The following TERF2 variants were observed in gnomAD, a reference collection of about 807,000 sequenced individuals.
The protein encoded by TERF2 is telomeric repeat binding factor 2.
In TERF2, 16 loss-of-function variants were observed where a neutral mutation model predicts 56.1. That is an observed-to-expected ratio of 0.29 (90% confidence interval 0.19 to 0.43). TERF2 has a LOEUF of 0.43. Ranked by LOEUF, TERF2 falls within the 20% of genes least tolerant of loss-of-function variation. The probability of loss-of-function intolerance (pLI) is 1.00; values close to 1 mark genes in which losing one functional copy is unlikely to be tolerated. For missense variants in TERF2, 547 were observed against 712.9 expected, an observed-to-expected ratio of 0.77 and a Z score of 2.65; for synonymous variants, 296 against 282.1, an observed-to-expected ratio of 1.05 and a Z score of -0.50.
intron 5 of TERF2, 31 bp from the exon 6 acceptor site, chr16:69,368,513 G>C (rs747161249): frequency 6.2e-7 from 1 of 1,612,712 alleles, no homozygotes; most frequent in Non-Finnish European, 8.5e-7. Context: ...TCAGGAAGAA[G>C]AGGCCACAGA....
rs748937721 is a variant in TERF2, at chr16:69,384,711, C to G, written c.476-1G>C. ...TCAGCCTCCATATCAAAGGAACAGT[C>G]TAGGACAAAGCACAGTTTTCATTTT... On this transcript the variant is annotated splice_acceptor_variant, in intron 2 of 9. Coordinates refer to ENST00000254942, the MANE Select transcript of TERF2 (RefSeq NM_005652.5). LOFTEE classifies it high-confidence loss of function. The G allele has an allele frequency of 1.3e-6, 2 of 1,598,140 alleles. No homozygotes were observed. The highest frequency in any genetic ancestry group is 1.7e-6 in the Non-Finnish European group (2 of 1,173,980).
intron 3 of TERF2, among the ~76,000 whole-genome samples, chr16:69,376,767 G>A (rs2013800233): frequency 6.7e-6 from 1 of 150,230 alleles, no homozygotes; most frequent in African/African-American, 2.5e-5. Flanking sequence ...GGGTAAAGTG[G>A]GAAGAGCACC....
intron 7 of TERF2, among the ~76,000 whole-genome samples, chr16:69,362,744 A>G (rs1442822190): frequency 6.6e-6 from 1 of 152,236 alleles, no homozygotes; most frequent in Non-Finnish European, 1.5e-5. Context: ...CTGGGAACAG[A>G]GCAAAGCACA....
intron 3 of TERF2, among the ~76,000 whole-genome samples, chr16:69,379,196 C>T (rs1172616432): frequency 6.6e-6 from 1 of 152,192 alleles, no homozygotes; most frequent in African/African-American, 2.4e-5. Context: ...GAAGACCAAA[C>T]TCACAGAACT....
chr16:69,362,335 AG>A (rs1405062297), intron 7 of TERF2, among the ~76,000 whole-genome samples: 1 of 151,992 alleles, frequency 6.6e-6, no homozygotes, highest in Non-Finnish European at 1.5e-5. Flanking sequence ...ACACACAGAA[AG>A]CCTTTCTCCT....
rs982962134 is a variant in TERF2 at position 69,385,872 on chromosome 16, C to T, written c.100G>A (p.Gly34Arg). 17 of 1,372,522 alleles carry T rather than the reference C, an allele frequency of 1.2e-5. No individual in the cohort carries two copies. The highest frequency in any genetic ancestry group is 1.6e-5 in the Non-Finnish European group (17 of 1,060,862). The allele number at this position is 1,372,522 out of a possible 1,614,324, so 85.0% of individuals were successfully genotyped here. A position where few individuals can be genotyped will look rare whatever the true frequency, so the allele number is the denominator to read the frequency against. Residue 34 changes from glycine (G) to arginine (R), a missense_variant, in exon 1 of 10, where the codon GGG (glycine) becomes AGG (arginine). Around this residue, in one of 6 missense-constraint regions of TERF2, gnomAD observed 85 missense variants for 59.5 expected, o/e 1.43. Transcript: ENST00000254942. The stretch of plus-strand genomic sequence containing the variant: ...GTGTCCGATCGCCGCGCGCCCTCCC[C>T]GCCCTCCCGGCCGGGCCGCTTCCTC... ...QPRKRPGREG[G>R]EGARRSDTMA...
chr16:69,379,518 T>A (rs1266746629), intron 3 of TERF2, among the ~76,000 whole-genome samples: 1 of 152,204 alleles, frequency 6.6e-6, no homozygotes, highest in Non-Finnish European at 1.5e-5. Context: ...AGAAAACAAA[T>A]ATAGTCTTGA....
intron 5 of TERF2, among the ~76,000 whole-genome samples, chr16:69,369,901 C>T (rs894573510): frequency 7.9e-5 from 12 of 152,206 alleles, no homozygotes; most frequent in African/African-American, 2.9e-4. Context: ...TTGGGAACCA[C>T]CATCGATTGC....
rs766750572 is a variant in TERF2 at position 69,366,800 on chromosome 16, T to C, written c.1340+7A>G. 1 of 1,599,192 alleles carries C rather than the reference T, an allele frequency of 6.3e-7. No homozygotes were observed. ...CCCCAAAATTTCTACAAAGAAGGTCTTCATACTTGGGATTCTTCTCTCCAG... is the reference window on the plus strand; with the variant it reads ...CCCCAAAATTTCTACAAAGAAGGTCCTCATACTTGGGATTCTTCTCTCCAG... On this transcript the variant is annotated splice_region_variant and intron_variant, in intron 7 of 9. Transcript: ENST00000254942.
At position 69,384,618 on chromosome 16, in the gene TERF2, C is replaced by T; in HGVS notation, c.568G>A (p.Ala190Thr). 1 of 1,614,130 alleles carries T rather than the reference C, an allele frequency of 6.2e-7. No homozygotes were observed. Among genetic ancestry groups the T allele is most frequent in the Non-Finnish European group, 8.5e-7 (1 of 1,180,014 alleles). The stretch of plus-strand genomic sequence containing the variant: ...AGTTTTCTACTGGATTCGACCACTG[C>T]TTCTGTCAGTGTAAATTCCGTTTTA... ...MIKTEFTLTE[A>T]VVESSRKLVK... is the part of the protein sequence containing the mutation. The change falls in exon 3 of 10, where the codon GCA becomes ACA. Residue 190 changes from alanine to threonine, a missense_variant. Physicochemically the swap from Ala to Thr is moderately conservative, Grantham distance 58. Coordinates refer to ENST00000254942, the MANE Select transcript of TERF2 (RefSeq NM_005652.5).
chr16:69,369,227 G>A (rs187645850), intron 5 of TERF2, among the ~76,000 whole-genome samples: 110 of 142,902 alleles, frequency 7.7e-4, no homozygotes, highest in African/African-American at 2.7e-3. Flanking sequence ...CAAACTACCT[G>A]CTTATAAATA....
In TERF2 at chr16:69,366,978, G is replaced by A. The variant is rs766401597; in HGVS notation, c.1169C>T (p.Ser390Leu). 8.1e-6 allele frequency: 13 copies of A among 1,614,080 alleles called. No homozygotes were observed. The highest frequency in any genetic ancestry group is 2.2e-5 in the East Asian group (1 of 44,900). The change falls in exon 7 of 10, where the codon TCG becomes TTG. Residue 390 changes from serine to leucine, a missense_variant. Ser to Leu is a moderately radical substitution (Grantham distance 145). Transcript: ENST00000254942. ...SSAPADGEGG[S>L]ELQPKNKRMT... is the part of the protein sequence containing the mutation. ...GCGCTTGTTCTTGGGCTGCAGTTCC[G>A]AGCCACCCTCACCGTCAGCCGGGGC...
At chr16:69,382,007 T>C (rs1312157418) in intron 3 of TERF2, among the ~76,000 whole-genome samples, 1 of 152,224 alleles carries the variant, frequency 6.6e-6, no homozygotes, top group African/African-American at 2.4e-5. Flanking sequence ...ACTAGTACAA[T>C]TACTACCATC....
intron 3 of TERF2, among the ~76,000 whole-genome samples, chr16:69,373,066 T>C (rs2013636943): frequency 6.6e-6 from 1 of 152,084 alleles, no homozygotes; most frequent in African/African-American, 2.4e-5. Flanking sequence ...GAGGATATAC[T>C]GTAGGCGGAA....
In TERF2 at chr16:69,368,391, G is replaced by A. The variant is rs761441853; in HGVS notation, c.932C>T (p.Pro311Leu). The stretch of plus-strand genomic sequence containing the variant: ...ATCTTTTTACCTTGCGGGTTCTCTG[G>A]GTGGCTTTTCCACAGGCCCTGGTGC... ...QPAPGPVEKP[P>L]REPARQLRNP... The change falls in exon 6 of 10, where the codon CCC (proline) becomes CTC (leucine). Residue 311 changes from proline to leucine, a missense_variant. Physicochemically the swap from Pro to Leu is moderately conservative, Grantham distance 98 (BLOSUM62 -3). Coordinates refer to ENST00000254942, the MANE Select transcript of TERF2 (RefSeq NM_005652.5). 5 of 1,613,812 alleles carry A rather than the reference G, an allele frequency of 3.1e-6. No homozygotes were observed. The highest frequency in any genetic ancestry group is 4.2e-6 in the Non-Finnish European group (5 of 1,180,032).
At position 69,385,831 on chromosome 16, in the gene TERF2, G is replaced by A; in HGVS notation, c.141C>T (p.Gly47=). The A allele has an allele frequency of 7.4e-7, 1 of 1,343,656 alleles. No individual in the cohort carries two copies. The highest frequency in any genetic ancestry group is 1.9e-5 in the South Asian group (1 of 52,526). 83.2% of individuals were successfully genotyped at this position (1,343,656 alleles called of 1,614,324 possible). The change falls in exon 1 of 10, where the codon GGC becomes GGT. Residue 47 remains glycine, a synonymous_variant. Transcript: ENST00000254942. ...CCCGCCCGCTGCCGTCGCTACTCCC[G>A]CCTCCTCCCGCCATCGTGTCCGATC... is the stretch of plus-strand genomic sequence containing the variant. ...ARRSDTMAGG[G]GSSDGSGRAA...
intron 6 of TERF2, 68 bp from the exon 7 acceptor site, chr16:69,367,267 T>G: frequency 6.7e-7 from 1 of 1,499,412 alleles, no homozygotes; most frequent in Non-Finnish European, 8.9e-7. Flanking sequence ...CAGCCACAAC[T>G]TTTTTGAAGT....
At chr16:69,383,725 T>G (rs569532659) in intron 3 of TERF2, among the ~76,000 whole-genome samples, 1 of 152,344 alleles carries the variant, frequency 6.6e-6, no homozygotes, top group East Asian at 1.9e-4. Context: ...AGAGACAGGT[T>G]TTCCTTGTGA....
intron 3 of TERF2, 40 bp from the exon 4 acceptor site, chr16:69,372,395 G>T: frequency 1.5e-6 from 2 of 1,323,872 alleles, no homozygotes; most frequent in Non-Finnish European, 2.1e-6. Context: ...CTTTTGTAAT[G>T]ACAGGTGTAA....
Sources: allele counts gnomAD v4.1 joint callset (sites outside exome capture counted in the v4.1 genomes callset), GRCh38; gene constraint gnomAD v4.1.1; regional missense constraint gnomAD v4.1.1; transcripts MANE v1.5; gene names NCBI Gene and HGNC (gene_info 2026-07-23, HGNC 2026-07-21).